CCSER1: variants seen among roughly 807,000 people sequenced by gnomAD.
CCSER1 encodes serine-rich coiled-coil domain-containing protein 1.
Under a neutral mutation model 82.0 loss-of-function variants are expected in CCSER1, and 41 were observed. The observed-to-expected ratio is 0.50, with a 90% CI of 0.39 to 0.65. The LOEUF is 0.65. Among genes scored for constraint, CCSER1 ranks in the 30% least tolerant of loss-of-function variants. CCSER1 has a pLI of 0.00. For missense variants in CCSER1, 1,119 were observed against 1,064.2 expected, an observed-to-expected ratio of 1.05 and a Z score of -0.72; for synonymous variants, 414 against 383.9, an observed-to-expected ratio of 1.08 and a Z score of -0.92.
In CCSER1 at chr4:90,271,839, TATATATATATATATATATATATA is replaced by T. The variant is rs1185162097; in HGVS notation, c.-41-36404_-41-36382del. Among the ~76,000 whole-genome samples the T allele has an allele frequency of 4.1e-3, 85 of 20,646 alleles. 1 individual carries two copies. The highest frequency in any genetic ancestry group is 0.035 in the African/African-American group (72 of 2,078). 13.5% of individuals were successfully genotyped at this position (20,646 alleles called of 152,430 possible). On this transcript the variant is annotated intron_variant, in intron 1 of 10. Transcript: ENST00000509176. ...AGACTGGACAATTTATATATATATATATATATATATATATATATATATATTTTTTTTTTTTTTTTTTTTTTTTT... is the reference window on the plus strand; with the variant it reads ...AGACTGGACAATTTATATATATATATTTTTTTTTTTTTTTTTTTTTTTTTT...
intron 10 of CCSER1, among the ~76,000 whole-genome samples, chr4:91,334,282 T>C (rs1312369301): frequency 6.6e-6 from 1 of 152,042 alleles, no homozygotes; most frequent in African/African-American, 2.4e-5. Context: ...TCAAAACCAG[T>C]GTTTTATTCA....
intron 10 of CCSER1, among the ~76,000 whole-genome samples, chr4:91,175,253 TG>T (rs1733207825): frequency 6.6e-6 from 1 of 152,200 alleles, no homozygotes; most frequent in African/African-American, 2.4e-5. Flanking sequence ...TCCAGGTCTT[TG>T]CTATTGTGAA....
At chr4:90,849,805 A>C (rs1763639779) in intron 8 of CCSER1, among the ~76,000 whole-genome samples, 5 of 151,756 alleles carry the variant, frequency 3.3e-5, no homozygotes, top group Admixed American at 3.3e-4. Context: ...AAAAAAAAAA[A>C]AAAAAAGAAA....
chr4:91,364,883 A>G (rs1749503156), intron 10 of CCSER1, among the ~76,000 whole-genome samples: 1 of 152,004 alleles, frequency 6.6e-6, no homozygotes, highest in Non-Finnish European at 1.5e-5. Context: ...TTTCTCTGAT[A>G]TGTCTTCTTT....
intron 10 of CCSER1, among the ~76,000 whole-genome samples, chr4:91,119,068 T>C (rs1581591953): frequency 6.6e-6 from 1 of 152,162 alleles, no homozygotes; most frequent in East Asian, 1.9e-4. Flanking sequence ...AGTTTTGATA[T>C]TCATGTATAA....
chr4:90,794,699 G>T (rs1294131923), intron 7 of CCSER1, among the ~76,000 whole-genome samples: 1 of 152,062 alleles, frequency 6.6e-6, no homozygotes, highest in Non-Finnish European at 1.5e-5. Flanking sequence ...TTCTGGTTCT[G>T]TGAAGAATGT....
At chr4:91,269,708 T>A (rs1401419536) in intron 10 of CCSER1, among the ~76,000 whole-genome samples, 1 of 152,180 alleles carries the variant, frequency 6.6e-6, no homozygotes, top group Non-Finnish European at 1.5e-5. Context: ...GCTGCTCTTA[T>A]ATAACTCAGA....
intron 9 of CCSER1, among the ~76,000 whole-genome samples, chr4:91,010,383 T>C (rs897659391): frequency 6.6e-5 from 10 of 152,224 alleles, no homozygotes; most frequent in African/African-American, 2.4e-4. Flanking sequence ...TACAAATGCC[T>C]TGTTGAGGAC....
At chr4:90,627,607 AT>A (rs1723536682) in intron 5 of CCSER1, among the ~76,000 whole-genome samples, 1 of 152,086 alleles carries the variant, frequency 6.6e-6, no homozygotes, top group Admixed American at 6.6e-5. Flanking sequence ...TAAAACAGTA[AT>A]TTTCATTGAA....
At chr4:91,059,663 T>A (rs1351790099) in intron 9 of CCSER1, among the ~76,000 whole-genome samples, 3 of 151,856 alleles carry the variant, frequency 2.0e-5, no homozygotes, top group Non-Finnish European at 4.4e-5. Flanking sequence ...GATCTGTAAT[T>A]ACAGCAATCT....
chr4:91,501,142 T>C (rs1359439914), intron 10 of CCSER1, among the ~76,000 whole-genome samples: 1 of 151,896 alleles, frequency 6.6e-6, no homozygotes. Flanking sequence ...TTTACTAGGA[T>C]ATAACATGTC....
chr4:90,626,463 G>A (rs557402867), intron 5 of CCSER1, among the ~76,000 whole-genome samples: 1 of 152,284 alleles, frequency 6.6e-6, no homozygotes, highest in East Asian at 1.9e-4. Flanking sequence ...AAGAATGACT[G>A]TATAGTTCGT....
intron 10 of CCSER1, among the ~76,000 whole-genome samples, chr4:91,497,283 A>G (rs954414966): frequency 6.6e-6 from 1 of 151,740 alleles, no homozygotes; most frequent in African/African-American, 2.4e-5. Context: ...AACAGTATGA[A>G]CACTTCTGCT....
chr4:91,602,525 T>A lies in CCSER1; in HGVS notation c.*3468T>A, dbSNP rs1352316707. Among the ~76,000 whole-genome samples, 1 of 152,060 alleles carries A rather than the reference T, an allele frequency of 6.6e-6. No individual in the cohort carries two copies. Among genetic ancestry groups the A allele is most frequent in the Non-Finnish European group, 1.5e-5 (1 of 67,934 alleles). ...GAATGGTTAGGATTATCTCTGCACA[T>A]CATTCGTCATCATCAGCTTCTCATT... On this transcript the variant is annotated 3_prime_UTR_variant, in exon 11 of 11. Coordinates refer to ENST00000509176, the MANE Select transcript of CCSER1 (RefSeq NM_001145065.2).
intron 9 of CCSER1, among the ~76,000 whole-genome samples, chr4:91,080,265 A>G (rs1414929614): frequency 6.6e-6 from 1 of 152,118 alleles, no homozygotes; most frequent in East Asian, 1.9e-4. Flanking sequence ...TAAGAAACTC[A>G]CTCAAAACCA....
At chr4:91,119,191 T>C (rs1233376257) in intron 10 of CCSER1, among the ~76,000 whole-genome samples, 6 of 152,160 alleles carry the variant, frequency 3.9e-5, no homozygotes, top group Non-Finnish European at 8.8e-5. Flanking sequence ...AAAACATTGA[T>C]TAAACTCCAC....
At chr4:91,353,617 T>C (rs1394254081) in intron 10 of CCSER1, among the ~76,000 whole-genome samples, 1 of 152,198 alleles carries the variant, frequency 6.6e-6, no homozygotes, top group Admixed American at 6.5e-5. Flanking sequence ...TTTGAGACTC[T>C]CACTTTTTAT....
intron 5 of CCSER1, among the ~76,000 whole-genome samples, chr4:90,605,056 T>C (rs984735210): frequency 2.0e-5 from 3 of 152,232 alleles, no homozygotes; most frequent in African/African-American, 7.2e-5. Flanking sequence ...ATGTTGCTGC[T>C]GCTGACTCTT....
At chr4:90,625,486 A>G (rs1723093963) in intron 5 of CCSER1, among the ~76,000 whole-genome samples, 1 of 152,178 alleles carries the variant, frequency 6.6e-6, no homozygotes. Flanking sequence ...TAACTGTTTC[A>G]ACCTAATTAA....
Sources: allele counts gnomAD v4.1 joint callset (sites outside exome capture counted in the v4.1 genomes callset), GRCh38; gene constraint gnomAD v4.1.1; transcripts MANE v1.5; gene names NCBI Gene and HGNC (gene_info 2026-07-23, HGNC 2026-07-21).